COX19: variants seen among roughly 807,000 people sequenced by gnomAD.
COX19 encodes the protein cytochrome c oxidase assembly factor COX19, also known as cytochrome c oxidase assembly protein COX19.
In COX19, 8 loss-of-function variants were observed where a neutral mutation model predicts 6.8. The observed-to-expected ratio is 1.18, with a 90% CI of 0.69 to 2.12. The LOEUF (loss-of-function observed/expected upper bound fraction) is 2.12, where lower values mean the gene tolerates loss of function less well. Among genes scored for constraint, COX19 ranks in the 30% most tolerant of loss-of-function variants. COX19 has a pLI of 0.00. For missense variants in COX19, 131 were observed against 104.6 expected (o/e 1.25, Z -1.10); for synonymous variants, 51 against 38.0 (o/e 1.34, Z -1.26).
rs1740448129 is a variant in COX19, at chr7:966,055, T to C, written c.*3323A>G. 6.6e-6 allele frequency: 1 copy of C among 152,230 alleles called. No homozygotes were observed. The highest frequency in any genetic ancestry group is 6.5e-5 in the Admixed American group (1 of 15,280). 9.4% of individuals were successfully genotyped at this position (152,230 alleles called of 1,614,324 possible). ...AAGACAGACCTGGCCCTCCCCCCAC[T>C]GACATGTTTACGCAATTACTTATGT... On this transcript the variant is annotated 3_prime_UTR_variant, in exon 3 of 3. Coordinates refer to ENST00000344111, the MANE Select transcript of COX19 (RefSeq NM_001031617.3).
rs1180087135 is a variant in COX19 at position 967,683 on chromosome 7, A to C, written c.*1695T>G. The C allele has an allele frequency of 1.3e-5, 2 of 152,280 alleles. No homozygotes were observed. Among genetic ancestry groups the C allele is most frequent in the African/African-American group, 4.8e-5 (2 of 41,470 alleles). The allele number at this position is 152,280 out of a possible 1,614,324, so 9.4% of individuals were successfully genotyped here. A position where few individuals can be genotyped will look rare whatever the true frequency, so the allele number is the denominator to read the frequency against. ...GTTCATTTACTTTTTGAGCATGTGA[A>C]ACCCTCTGCCATGACAGCCAGAACT... is the stretch of plus-strand genomic sequence containing the variant. On this transcript the variant is annotated 3_prime_UTR_variant, in exon 3 of 3. Coordinates refer to ENST00000344111, the MANE Select transcript of COX19 (RefSeq NM_001031617.3).
chr7:965,328 T>G lies in COX19; in HGVS notation c.*4050A>C, dbSNP rs952687043. 6.6e-6 allele frequency among the ~76,000 whole-genome samples: 1 copy of G among 152,186 alleles called. No individual in the cohort carries two copies. The highest frequency in any genetic ancestry group is 6.5e-5 in the Admixed American group (1 of 15,274). Reference sequence around the variant, plus strand: ...ATACCCAGTTCCCCAAATAACATCTTACATAACACTGGGCCAGCGCTGCCA... The same window carrying G: ...ATACCCAGTTCCCCAAATAACATCTGACATAACACTGGGCCAGCGCTGCCA... On this transcript the variant is annotated 3_prime_UTR_variant, in exon 3 of 3. Coordinates refer to ENST00000344111, the MANE Select transcript of COX19 (RefSeq NM_001031617.3).
chr7:971,706 C>A (rs1323125148), intron 2 of COX19, among the ~76,000 whole-genome samples: 1 of 152,018 alleles, frequency 6.6e-6, no homozygotes, highest in Non-Finnish European at 1.5e-5. Flanking sequence ...CCCGTCTCTA[C>A]TAAAAATACA....
intron 1 of COX19, among the ~76,000 whole-genome samples, chr7:973,741 G>A (rs549373470): frequency 2.4e-4 from 36 of 152,048 alleles, no homozygotes; most frequent in African/African-American, 5.5e-4. Context: ...AGAGGTGGGC[G>A]GATCACCTGA....
rs919463385 is a variant in COX19, at chr7:969,165, C to T, written c.*213G>A. 1.9e-6 allele frequency: 1 copy of T among 530,644 alleles called. No homozygotes were observed. The highest frequency in any genetic ancestry group is 3.3e-6 in the Non-Finnish European group (1 of 299,224). The allele number at this position is 530,644 out of a possible 1,614,324, so 32.9% of individuals were successfully genotyped here. A position where few individuals can be genotyped will look rare whatever the true frequency, so the allele number is the denominator to read the frequency against. ...TCCCTCCCAGCTTTGCCGGGAACGC[C>T]GTCCCACTCAGGGGTTCAATGCAGA... On this transcript the variant is annotated 3_prime_UTR_variant, in exon 3 of 3. Coordinates refer to ENST00000344111, the MANE Select transcript of COX19 (RefSeq NM_001031617.3).
chr7:973,566 G>C (rs1380959544), intron 1 of COX19, among the ~76,000 whole-genome samples: 1 of 152,188 alleles, frequency 6.6e-6, no homozygotes, highest in Non-Finnish European at 1.5e-5. Flanking sequence ...AGCTACTCAG[G>C]AGGCTGAGGC....
intron 1 of COX19, chr7:975,179 C>T (rs1426503544): frequency 4.0e-5 from 17 of 426,600 alleles, no homozygotes. Context: ...GAGCCGGAGA[C>T]CCGGAAGCCT....
At position 965,166 on chromosome 7, in the gene COX19, G is replaced by GGAAACT. The variant is rs58710416; in HGVS notation, c.*4206_*4211dup. ...CATTCATGCCGGCATCATGCCTATT[G>GGAAACT]GAAACTCTTTGAAGTTATTTTGAAA... On this transcript the variant is annotated 3_prime_UTR_variant, in exon 3 of 3. Transcript: ENST00000344111. Among the ~76,000 whole-genome samples the GGAAACT allele has an allele frequency of 0.017, 2,609 of 152,206 alleles. 62 individuals carry two copies. The highest frequency in any genetic ancestry group is 0.055 in the African/African-American group (2,273 of 41,508).
chr7:966,049 C>T lies in COX19; in HGVS notation c.*3329G>A, dbSNP rs58994901. On this transcript the variant is annotated 3_prime_UTR_variant, in exon 3 of 3. Transcript: ENST00000344111. ...ATTAATAAGACAGACCTGGCCCTCC[C>T]CCCACTGACATGTTTACGCAATTAC... 1 of 152,226 alleles carries T rather than the reference C, an allele frequency of 6.6e-6. No individual in the cohort carries two copies. Among genetic ancestry groups the T allele is most frequent in the Admixed American group, 6.5e-5 (1 of 15,280 alleles). 9.4% of individuals were successfully genotyped at this position (152,226 alleles called of 1,614,324 possible).
In COX19 at chr7:975,540, G is replaced by C. The variant is rs1847696292; in HGVS notation, c.-31C>G. 6.3e-7 allele frequency: 1 copy of C among 1,575,458 alleles called. No individual in the cohort carries two copies. The highest frequency in any genetic ancestry group is 1.1e-5 in the South Asian group (1 of 87,798). On this transcript the variant is annotated 5_prime_UTR_variant, in exon 1 of 3. Coordinates refer to ENST00000344111, the MANE Select transcript of COX19 (RefSeq NM_001031617.3). ...CGACTCCGGAGTCTGCGAGCGCCTT[G>C]CGAGCGTACGCAGGGCGGCCGGCGG...
At chr7:970,531 C>A (rs1331421913) in intron 2 of COX19, among the ~76,000 whole-genome samples, 1 of 151,286 alleles carries the variant, frequency 6.6e-6, no homozygotes, top group Admixed American at 6.6e-5. Context: ...CAACCTCCAC[C>A]TCCCGGGTTC....
Position 975,467 on chromosome 7 carries a change from G to T in COX19, c.43C>A (p.Arg15=). 6.2e-7 allele frequency: 1 copy of T among 1,602,148 alleles called. No homozygotes were observed. Among genetic ancestry groups the T allele is most frequent in the Non-Finnish European group, 8.5e-7 (1 of 1,175,842 alleles). ...GGGAAGCTGCCCTTGTCCGGGGGCC[G>T]CGGCTGGAAGCTCTTGGTCCCGAAA... is the stretch of plus-strand genomic sequence containing the variant. ...MNFGTKSFQP[R]PPDKGSFPLD... is the part of the protein sequence containing the mutation. The change falls in exon 1 of 3, where the codon CGG becomes AGG. Residue 15 remains arginine, a synonymous_variant. Transcript: ENST00000344111.
chr7:972,194 ACAAT>A (rs1847645707), intron 2 of COX19, among the ~76,000 whole-genome samples: 1 of 152,182 alleles, frequency 6.6e-6, no homozygotes, highest in Non-Finnish European at 1.5e-5. Context: ...TGCTACTTAA[ACAAT>A]CAGAGATGGT....
intron 2 of COX19, 151 bp downstream of exon 2, chr7:973,030 C>G (rs140224314): frequency 5.3e-4 from 230 of 434,692 alleles, no homozygotes; most frequent in African/African-American, 3.9e-3. Flanking sequence ...TCTGATAAGC[C>G]TCCATTTCAA....
rs1583200447 is a variant in COX19, at chr7:965,229, C to G, written c.*4149G>C. Among the ~76,000 whole-genome samples the G allele has an allele frequency of 6.6e-6, 1 of 152,048 alleles. No homozygotes were observed. The highest frequency in any genetic ancestry group is 1.9e-4 in the East Asian group (1 of 5,202). On this transcript the variant is annotated 3_prime_UTR_variant, in exon 3 of 3. Transcript: ENST00000344111. ...CAATCTATTCCACTATAGTTTCATACAAAGCATATTTTTTTTTCCTCATTT... is the reference window on the plus strand; with the variant it reads ...CAATCTATTCCACTATAGTTTCATAGAAAGCATATTTTTTTTTCCTCATTT...
intron 2 of COX19, 34 bp from the exon 3 acceptor site, chr7:969,490 G>A (rs764164190): frequency 2.9e-6 from 4 of 1,398,848 alleles, no homozygotes; most frequent in South Asian, 1.2e-5. Context: ...CAGGGCGGGA[G>A]GTGCAGAGAG....
At chr7:972,606 T>C (rs760207737) in intron 2 of COX19, 1 of 152,216 alleles carries the variant, frequency 6.6e-6, no homozygotes, top group South Asian at 2.1e-4. Flanking sequence ...CATAAGGGAT[T>C]AGAATAGCTC....
rs1173076048 is a variant in COX19 at position 965,492 on chromosome 7, C to G, written c.*3886G>C. Among the ~76,000 whole-genome samples the G allele has an allele frequency of 6.6e-6, 1 of 152,184 alleles. No individual in the cohort carries two copies. Among genetic ancestry groups the G allele is most frequent in the African/African-American group, 2.4e-5 (1 of 41,446 alleles). ...CGCCCCCAGGTCGGTGCGGCCTGTGCGGCTCGCTCCCGGCGGTGGCTGCTG... is the reference window on the plus strand; with the variant it reads ...CGCCCCCAGGTCGGTGCGGCCTGTGGGGCTCGCTCCCGGCGGTGGCTGCTG... On this transcript the variant is annotated 3_prime_UTR_variant, in exon 3 of 3. Transcript: ENST00000344111.
intron 2 of COX19, among the ~76,000 whole-genome samples, chr7:970,623 T>C (rs924699765): frequency 6.6e-6 from 1 of 151,882 alleles, no homozygotes; most frequent in African/African-American, 2.4e-5. Context: ...TTTATATTTT[T>C]AGTAGAGATG....
Sources: allele counts gnomAD v4.1 joint callset (sites outside exome capture counted in the v4.1 genomes callset), GRCh38; gene constraint gnomAD v4.1.1; transcripts MANE v1.5; gene names NCBI Gene and HGNC (gene_info 2026-07-23, HGNC 2026-07-21).